NHSL1: variants seen among roughly 807,000 people sequenced by gnomAD.
NHSL1 encodes the protein NHS-like protein 1.
NHSL1 carries 48 observed loss-of-function variants against 95.0 expected under a neutral mutation model. That is an observed-to-expected ratio of 0.51 (90% confidence interval 0.40 to 0.64). NHSL1 has a LOEUF of 0.64. Among genes scored for constraint, NHSL1 ranks in the 30% least tolerant of loss-of-function variants. The probability of loss-of-function intolerance (pLI) is 0.00; values close to 1 mark genes in which losing one functional copy is unlikely to be tolerated. For missense variants in NHSL1, 1,971 were observed against 2,077.7 expected (o/e 0.95, Z 1.00); for synonymous variants, 783 against 833.9 (o/e 0.94, Z 1.05).
At chr6:138,631,113 G>A (rs1049678204) in intron 1 of NHSL1, among the ~76,000 whole-genome samples, 2 of 152,184 alleles carry the variant, frequency 1.3e-5, no homozygotes, top group African/African-American at 4.8e-5. Flanking sequence ...TGCTATAGCA[G>A]AAAGAAAATC....
intron 1 of NHSL1, among the ~76,000 whole-genome samples, chr6:138,675,864 A>C (rs926339180): frequency 2.0e-5 from 3 of 152,200 alleles, no homozygotes; most frequent in African/African-American, 4.8e-5. Context: ...ATCTCACTGC[A>C]CTGTAGGTCT....
chr6:138,661,408 T>C (rs1192116683), intron 1 of NHSL1, among the ~76,000 whole-genome samples: 1 of 151,316 alleles, frequency 6.6e-6, no homozygotes, highest in Admixed American at 6.6e-5. Flanking sequence ...GGCAGGAGAA[T>C]CACTTGAACC....
At chr6:138,427,289 A>C (rs1775326232) in intron 7 of NHSL1, among the ~76,000 whole-genome samples, 1 of 152,114 alleles carries the variant, frequency 6.6e-6, no homozygotes, top group African/African-American at 2.4e-5. Flanking sequence ...CAAATACGAA[A>C]ATTAGCCGGG....
At chr6:138,532,890 G>C (rs899311615) in intron 1 of NHSL1, among the ~76,000 whole-genome samples, 1 of 152,154 alleles carries the variant, frequency 6.6e-6, no homozygotes, top group African/African-American at 2.4e-5. Context: ...TTACAAGACA[G>C]AAGCTGAAAA....
At chr6:138,546,865 G>T (rs1187445975), upstream of NHSL1, among the ~76,000 whole-genome samples, 1 of 152,164 alleles carries the variant, frequency 6.6e-6, no homozygotes, top group Non-Finnish European at 1.5e-5. Flanking sequence ...GTGGAAAGTG[G>T]CAGAAGGAAT....
intron 1 of NHSL1, among the ~76,000 whole-genome samples, chr6:138,665,980 A>G (rs1439017729): frequency 1.3e-5 from 2 of 152,186 alleles, no homozygotes; most frequent in Non-Finnish European, 2.9e-5. Flanking sequence ...CTAGCTCTTG[A>G]GGTGCTCAAT....
At chr6:138,548,593 T>A (rs1225739111), upstream of NHSL1, among the ~76,000 whole-genome samples, 1 of 152,226 alleles carries the variant, frequency 6.6e-6, no homozygotes, top group Admixed American at 6.5e-5. Flanking sequence ...AAAGATTGGA[T>A]GCCCTAATAG....
intron 1 of NHSL1, among the ~76,000 whole-genome samples, chr6:138,617,804 C>A (rs73566619): frequency 1.5e-3 from 223 of 152,308 alleles, no homozygotes; most frequent in African/African-American, 5.2e-3. Flanking sequence ...CGATGTGTGT[C>A]CCTCTCCCTG....
chr6:138,603,043 G>A (rs2114567971), intron 1 of NHSL1, among the ~76,000 whole-genome samples: 1 of 152,212 alleles, frequency 6.6e-6, no homozygotes, highest in Non-Finnish European at 1.5e-5. Flanking sequence ...AGCTCACATT[G>A]TTGTTTGCTG....
chr6:138,659,042 CTATCT>C (rs950296946), intron 1 of NHSL1, among the ~76,000 whole-genome samples: 9 of 138,870 alleles, frequency 6.5e-5, no homozygotes, highest in Middle Eastern at 3.7e-3. Context: ...GAGATGTGGA[CTATCT>C]TTTTTTTTTT....
At chr6:138,580,202 T>A (rs2114484695) in intron 1 of NHSL1, among the ~76,000 whole-genome samples, 1 of 152,274 alleles carries the variant, frequency 6.6e-6, no homozygotes, top group East Asian at 1.9e-4. Context: ...GTTACAGGGA[T>A]CAGTTCAAAT....
At chr6:138,692,928 G>A (rs1482382336), upstream of NHSL1, among the ~76,000 whole-genome samples, 3 of 150,610 alleles carry the variant, frequency 2.0e-5, no homozygotes, top group Admixed American at 2.0e-4. This position sits in a 1 kb window ranked among gnomAD's most constrained non-coding sequence, Gnocchi z 4.0. Flanking sequence ...AGGAAGGACG[G>A]ACGGACGGAC....
chr6:138,599,527 G>T lies in NHSL1; in HGVS notation c.96+92949C>A, dbSNP rs118019521. Among the ~76,000 whole-genome samples the T allele has an allele frequency of 8.0e-4, 122 of 152,132 alleles. 1 individual carries two copies. The East Asian group carries it at 0.022, about 28-fold the overall frequency. ...TCTCCGTCTCAAAAAAAAACAGAAAGATTTAGAACTCTTTAAGGTCTTTTT... is the reference window on the plus strand; with the variant it reads ...TCTCCGTCTCAAAAAAAAACAGAAATATTTAGAACTCTTTAAGGTCTTTTT... On this transcript the variant is annotated intron_variant, in intron 1 of 3. Coordinates refer to the NHSL1 transcript ENST00000491526.
chr6:138,432,441 C>G lies in NHSL1; in HGVS notation c.1904G>C (p.Ser635Thr), dbSNP rs2128200656. The G allele has an allele frequency of 6.4e-7, 1 of 1,552,384 alleles. No individual in the cohort carries two copies. The highest frequency in any genetic ancestry group is 2.4e-5 in the East Asian group (1 of 40,918). Residue 635 changes from serine to threonine, a missense_variant, in exon 6 of 8, where the codon AGC becomes ACC. Physicochemically the swap from Ser to Thr is moderately conservative, Grantham distance 58 (BLOSUM62 1). This residue lies in a region of NHSL1 where 1,602 missense variants were observed against 1,654.5 expected (regional missense o/e 0.97). Coordinates refer to ENST00000343505, the MANE Select transcript of NHSL1 (RefSeq NM_001144060.2). The surrounding 1 kb of genome is among the most constrained non-coding windows in gnomAD (Gnocchi z 4.4). The part of the protein sequence containing the change: ...SSDGFGNPRH[S>T]VINVFVGRAQ... ...TCTTCCAACAAAAACATTGATCACG[C>G]TGTGCCTGGGGTTCCCAAAGCCATC...
At chr6:138,568,263 C>A (rs1173866644) in intron 1 of NHSL1, among the ~76,000 whole-genome samples, 1 of 152,138 alleles carries the variant, frequency 6.6e-6, no homozygotes, top group Non-Finnish European at 1.5e-5. Context: ...CTCTTTAACC[C>A]CCCTGCTTTA....
intron 1 of NHSL1, among the ~76,000 whole-genome samples, chr6:138,571,363 T>C (rs558437519): frequency 2.0e-5 from 3 of 152,272 alleles, no homozygotes; most frequent in South Asian, 4.1e-4. Flanking sequence ...TAGCCCCAGA[T>C]TGCTATAAGG....
chr6:138,554,272 G>A (rs1052069909), intron 1 of NHSL1, among the ~76,000 whole-genome samples: 1 of 152,146 alleles, frequency 6.6e-6, no homozygotes, highest in Admixed American at 6.5e-5. Context: ...CGTGCTCCCT[G>A]ATAAACTGAC....
chr6:138,651,140 A>G (rs559843258), intron 1 of NHSL1, among the ~76,000 whole-genome samples: 40 of 152,356 alleles, frequency 2.6e-4, no homozygotes, highest in African/African-American at 8.9e-4. Context: ...ATATTTTTCA[A>G]AGAAAAAAAG....
intron 1 of NHSL1, among the ~76,000 whole-genome samples, chr6:138,689,978 CA>C (rs1328483108): frequency 1.3e-5 from 2 of 152,144 alleles, no homozygotes; most frequent in Non-Finnish European, 2.9e-5. Flanking sequence ...GGAACACAGG[CA>C]GTGGGACGAC....
Sources: allele counts gnomAD v4.1 joint callset (sites outside exome capture counted in the v4.1 genomes callset), GRCh38; gene constraint gnomAD v4.1.1; regional missense constraint gnomAD v4.1.1; non-coding constraint Gnocchi (gnomAD v3.1); transcripts MANE v1.5; gene names NCBI Gene and HGNC (gene_info 2026-07-23, HGNC 2026-07-21).